The following PTP4A2 variants were observed in gnomAD, a reference collection of about 807,000 sequenced individuals.
The protein encoded by PTP4A2 is protein tyrosine phosphatase type IVA 2.
In PTP4A2, 2 loss-of-function variants were observed where a neutral mutation model predicts 22.9. The ratio of observed to expected loss-of-function variants is 0.09; its 90% CI spans 0.04 to 0.27. PTP4A2 has a LOEUF of 0.27. Ranked by LOEUF, PTP4A2 falls within the 10% of genes least tolerant of loss-of-function variation. PTP4A2 has a pLI of 1.00. For synonymous variants in PTP4A2, 68 were observed against 69.1 expected, an observed-to-expected ratio of 0.98 and a Z score of 0.08; for missense variants, 103 against 205.1, an observed-to-expected ratio of 0.50 and a Z score of 3.04.
chr1:31,913,660 A>G (rs1651665069), intron 3 of PTP4A2: 2 of 365,138 alleles, frequency 5.5e-6, no homozygotes, highest in Non-Finnish European at 1.1e-5. Context: ...CATTTCCCAG[A>G]TCACAGCTAT....
intron 1 of PTP4A2, among the ~76,000 whole-genome samples, chr1:31,925,639 G>A (rs1366756809): frequency 6.6e-6 from 1 of 151,212 alleles, no homozygotes; most frequent in Non-Finnish European, 1.5e-5. Context: ...GGGCGCCTGT[G>A]GTCCCAGCTA....
rs999788931 is a variant in PTP4A2 at position 31,928,223 on chromosome 1, AATAAT to A, written c.-593-8570_-593-8566del. Among the ~76,000 whole-genome samples the A allele has an allele frequency of 5.7e-4, 59 of 102,882 alleles. 1 individual carries two copies. The highest frequency in any genetic ancestry group is 1.8e-3 in the African/African-American group (51 of 28,120). 67.5% of individuals were successfully genotyped at this position (102,882 alleles called of 152,430 possible). A position where few individuals can be genotyped will look rare whatever the true frequency, so the allele number is the denominator to read the frequency against. ...TTTATATATTATAATATATAAATAT[AATAAT>A]ATAATATATAGCATAATATAATTAT... On this transcript the variant is annotated intron_variant, in intron 1 of 5. Transcript: ENST00000647444.
In PTP4A2 at chr1:31,908,838, G is replaced by A. The variant is rs371791995; in HGVS notation, c.*14C>T. 1.9e-5 allele frequency: 30 copies of A among 1,585,496 alleles called. No homozygotes were observed. Among genetic ancestry groups the A allele is most frequent in the Admixed American group, 1.7e-4 (10 of 58,990 alleles). On this transcript the variant is annotated 3_prime_UTR_variant, in exon 6 of 6. Coordinates refer to ENST00000647444, the MANE Select transcript of PTP4A2 (RefSeq NM_080391.4). ...AAATGGCACAATCAAGTCAGCCTTC[G>A]TTTACATTTCCTTCTACTGAACACA...
At chr1:31,932,581 T>C (rs1652768360) in intron 1 of PTP4A2, 1 of 152,200 alleles carries the variant, frequency 6.6e-6, no homozygotes, top group Admixed American at 6.5e-5. Context: ...ATCTGTCAAC[T>C]CCTCACAGTC....
chr1:31,919,506 C>A lies in PTP4A2; in HGVS notation c.-441G>T, dbSNP rs1347317335. The A allele has an allele frequency of 6.5e-6, 1 of 153,512 alleles. No individual in the cohort carries two copies. The highest frequency in any genetic ancestry group is 1.9e-4 in the East Asian group (1 of 5,222). The allele number at this position is 153,512 out of a possible 1,614,324, so 9.5% of individuals were successfully genotyped here. On this transcript the variant is annotated 5_prime_UTR_variant, in exon 2 of 6. Transcript: ENST00000647444. ...AAAGCCAACTATTTCTGAGGCCAGT[C>A]TCGGTGTCCAGGAGTCTTCAAGGCA...
At chr1:31,932,030 G>A (rs1394252142) in intron 1 of PTP4A2, among the ~76,000 whole-genome samples, 1 of 152,052 alleles carries the variant, frequency 6.6e-6, no homozygotes, top group Non-Finnish European at 1.5e-5. Flanking sequence ...AAAACGGTGG[G>A]GAAAATAAAA....
chr1:31,922,586 G>GTTTC (rs200368265), intron 1 of PTP4A2, among the ~76,000 whole-genome samples: 7,683 of 146,002 alleles, frequency 0.053, 232 homozygotes, highest in East Asian at 0.11. Context: ...ACCCAGGTTT[G>GTTTC]TTTCTTTCTT....
chr1:31,922,443 A>C (rs1418804661), intron 1 of PTP4A2, among the ~76,000 whole-genome samples: 1 of 152,180 alleles, frequency 6.6e-6, no homozygotes, highest in African/African-American at 2.4e-5. Context: ...AGATTGTGCC[A>C]CTGCACTCCA....
chr1:31,924,815 A>G (rs1652371457), intron 1 of PTP4A2, among the ~76,000 whole-genome samples: 1 of 152,210 alleles, frequency 6.6e-6, no homozygotes, highest in Admixed American at 6.5e-5. Context: ...TTTTTAACAA[A>G]AGAATACAAC....
rs372994706 is a variant in PTP4A2 at position 31,922,995 on chromosome 1, A to G, written c.-593-3337T>C. ...TGCCCAGGCTGGAGTTAAGTGGCAC[A>G]ATCTCAGCTCACTGCAACCTCCGCC... On this transcript the variant is annotated intron_variant, in intron 1 of 5. Transcript: ENST00000647444. Among the ~76,000 whole-genome samples the G allele has an allele frequency of 2.2e-3, 328 of 151,014 alleles. 1 individual carries two copies. The South Asian group carries it at 0.024, about 11-fold the overall frequency.
chr1:31,921,020 TG>T (rs1461097043), intron 1 of PTP4A2, among the ~76,000 whole-genome samples: 1 of 152,218 alleles, frequency 6.6e-6, no homozygotes, highest in Non-Finnish European at 1.5e-5. Flanking sequence ...CCCTCAATGA[TG>T]AGACTAACTC....
intron 3 of PTP4A2, chr1:31,914,576 T>C (rs1651728300): frequency 5.4e-6 from 1 of 183,682 alleles, no homozygotes; most frequent in Non-Finnish European, 1.2e-5. Flanking sequence ...CTTAAACCAG[T>C]ATCTTCCTTG....
chr1:31,917,254 C>T (rs1651896858), intron 2 of PTP4A2, among the ~76,000 whole-genome samples: 4 of 152,088 alleles, frequency 2.6e-5, no homozygotes, highest in Non-Finnish European at 5.9e-5. Flanking sequence ...GCTGTGTATA[C>T]AAAGTTAAGA....
intron 2 of PTP4A2, among the ~76,000 whole-genome samples, chr1:31,918,261 A>C (rs1017195416): frequency 7.2e-5 from 11 of 152,326 alleles, no homozygotes; most frequent in African/African-American, 1.7e-4. Context: ...AAAAAAAAAA[A>C]AACTTATGTT....
chr1:31,911,882 T>C, intron 3 of PTP4A2, 56 bp from the exon 4 acceptor site: 1 of 1,379,684 alleles, frequency 7.2e-7, no homozygotes. Flanking sequence ...ATTAACATCC[T>C]AATACAGAAT....
At chr1:31,910,202 C>A in intron 4 of PTP4A2, 90 bp from the exon 5 acceptor site, 1 of 920,266 alleles carries the variant, frequency 1.1e-6, no homozygotes, top group Non-Finnish European at 1.7e-6. Flanking sequence ...CAATGCAACG[C>A]ATGAGCTTTC....
At chr1:31,915,799 T>G in intron 3 of PTP4A2, 96 bp downstream of exon 3, 1 of 766,148 alleles carries the variant, frequency 1.3e-6, no homozygotes, top group Non-Finnish European at 2.1e-6. Context: ...AATATTGGGA[T>G]TATAGGTGTG....
At chr1:31,933,953 C>T (rs1460579525) in intron 1 of PTP4A2, 1 of 152,088 alleles carries the variant, frequency 6.6e-6, no homozygotes, top group African/African-American at 2.4e-5. Flanking sequence ...TAACTAAGTC[C>T]ACCATGTTAA....
At position 31,908,098 on chromosome 1, in the gene PTP4A2, A is replaced by T. The variant is rs1651273163; in HGVS notation, c.*754T>A. ...GAACACCCTTTCATCAGTAAAGACT[A>T]AAAACCACCTGGAAAATATATATAT... On this transcript the variant is annotated 3_prime_UTR_variant, in exon 6 of 6. Transcript: ENST00000647444. 1 of 102,128 alleles carries T rather than the reference A, an allele frequency of 9.8e-6. No individual in the cohort carries two copies. Among genetic ancestry groups the T allele is most frequent in the East Asian group, 2.3e-4 (1 of 4,294 alleles). The allele number at this position is 102,128 out of a possible 1,614,324, so 6.3% of individuals were successfully genotyped here.
Sources: allele counts gnomAD v4.1 joint callset (sites outside exome capture counted in the v4.1 genomes callset), GRCh38; gene constraint gnomAD v4.1.1; transcripts MANE v1.5; gene names NCBI Gene and HGNC (gene_info 2026-07-23, HGNC 2026-07-21).